The following TAF11L11 variants were observed in gnomAD, a reference collection of about 807,000 sequenced individuals.
TAF11L11 encodes the protein TATA-box binding protein associated factor 11 like 11, also known as TATA-box-binding protein-associated factor 11-like protein 11.
Position 17,604,944 on chromosome 5 carries a change from C to A in TAF11L11, c.164C>A (p.Thr55Lys), listed in dbSNP as rs556497201. The stretch of plus-strand genomic sequence containing the variant: ...AGGAGTCAGGATGTCATGGACCTCA[C>A]AGAAGGTGACAATGAAGCGTCAGCC... The change falls in exon 1 of 1, where the codon ACA (threonine) becomes AAA (lysine). Residue 55 changes from threonine (T) to lysine (K), a missense_variant. By Grantham distance (78) the Thr-to-Lys change is moderately conservative (BLOSUM62 -1). Coordinates refer to ENST00000510838, the Ensembl canonical transcript of TAF11L11. The A allele has an allele frequency of 1.1e-4, 43 of 392,484 alleles. 2 individuals are homozygous for A. The Middle Eastern group carries it at 2.6e-3, about 23-fold the overall frequency. 24.3% of individuals were successfully genotyped at this position (392,484 alleles called of 1,614,324 possible).
rs572936390 is a variant in TAF11L11 at position 17,605,013 on chromosome 5, G to A, written c.233G>A (p.Gly78Glu). The A allele has an allele frequency of 2.8e-5, 11 of 394,056 alleles. No individual in the cohort carries two copies. The East Asian group carries it at 3.2e-4, about 12-fold the overall frequency. 24.4% of individuals were successfully genotyped at this position (394,056 alleles called of 1,614,324 possible). A position where few individuals can be genotyped will look rare whatever the true frequency, so the allele number is the denominator to read the frequency against. ...AAAAGGCAGAAAACAGATACCAAGG[G>A]GAAGAAGGAGAGGAAGCCCACCATG... Residue 78 changes from glycine (G) to glutamate (E), a missense_variant, in exon 1 of 1, where the codon GGG becomes GAG. Transcript: ENST00000510838.
chr5:17,605,053 T>G (rs1045330799), exon 1 of TAF11L11: 2 of 394,210 alleles, frequency 5.1e-6, no homozygotes, highest in Non-Finnish European at 9.0e-6. Context: ...CAGAGGAGGC[T>G]CAGAGGATGA....
At chr5:17,604,500 A>T (rs7718603) in exon 1 of TAF11L11, 118,649 of 192,392 alleles carry the variant, frequency 0.62, 40,264 homozygotes, top group Non-Finnish European at 0.74. Flanking sequence ...TTTGTTTTAA[A>T]TATCCAAAAT....
exon 1 of TAF11L11, chr5:17,604,628 G>C (rs1215850945): frequency 2.4e-5 from 8 of 327,212 alleles, no homozygotes; most frequent in Non-Finnish European, 4.4e-5. Flanking sequence ...AGGGGAGGCA[G>C]GGGGCTGTGT....
At chr5:17,604,866 C>T (rs1200217426) in exon 1 of TAF11L11, 1 of 390,500 alleles carries the variant, frequency 2.6e-6, no homozygotes, top group East Asian at 3.6e-5. Context: ...GATGGAATCC[C>T]TGAGGACCTA....
exon 1 of TAF11L11, chr5:17,605,282 C>A (rs919391437): frequency 2.5e-6 from 1 of 394,590 alleles, no homozygotes. Flanking sequence ...GGGAGAAACG[C>A]CCCCGCTGCA....
downstream of TAF11L11, chr5:17,605,480 C>G (rs1321496569): frequency 2.6e-6 from 1 of 387,546 alleles, no homozygotes; most frequent in Admixed American, 4.5e-5. Flanking sequence ...CTCAGTCCAC[C>G]CTGGATTTAC....
At chr5:17,604,975 T>A (rs1325322865) in exon 1 of TAF11L11, 1 of 392,804 alleles carries the variant, frequency 2.5e-6, no homozygotes, top group Non-Finnish European at 4.5e-6. Flanking sequence ...CAGCCTCAAC[T>A]CCTCCTTCAG....
exon 1 of TAF11L11, chr5:17,604,779 C>T (rs1739131262): frequency 2.6e-6 from 1 of 384,874 alleles, no homozygotes; most frequent in Non-Finnish European, 4.6e-6. Flanking sequence ...GGAATCTCAC[C>T]CATGGAGACA....
At chr5:17,605,338 C>T in exon 1 of TAF11L11, 5 of 394,048 alleles carry the variant, frequency 1.3e-5, no homozygotes, top group Non-Finnish European at 2.2e-5. Context: ...AGCCCAAGGG[C>T]ATCCTCCCCA....
exon 1 of TAF11L11, chr5:17,604,963 G>C (rs113944272): frequency 7.6e-6 from 3 of 392,622 alleles, no homozygotes; most frequent in African/African-American, 6.2e-5. Context: ...ACAATGAAGC[G>C]TCAGCCTCAA....
downstream of TAF11L11, chr5:17,605,405 T>G (rs781593075): frequency 2.4e-4 from 94 of 393,046 alleles, 3 homozygotes; most frequent in Middle Eastern, 6.4e-4. Flanking sequence ...AAGGTCTGTT[T>G]GTGCAGGAAT....
At chr5:17,605,017 G>A (rs1739137421) in exon 1 of TAF11L11, 1 of 394,242 alleles carries the variant, frequency 2.5e-6, no homozygotes, top group Non-Finnish European at 4.5e-6. Flanking sequence ...CCAAGGGGAA[G>A]AAGGAGAGGA....
Position 17,604,690 on chromosome 5 carries a change from G to A in TAF11L11, c.-91G>A, listed in dbSNP as rs79184703. ...GAAACACAGAAGCTAAACTCTTTGA[G>A]AGGTTCTCATTGCAGATCCATAATC... On this transcript the variant is annotated 5_prime_UTR_variant, in exon 1 of 1. Transcript: ENST00000510838. 1.9e-5 allele frequency: 7 copies of A among 363,446 alleles called. No individual in the cohort carries two copies. The highest frequency in any genetic ancestry group is 2.9e-5 in the Non-Finnish European group (6 of 203,904). 22.5% of individuals were successfully genotyped at this position (363,446 alleles called of 1,614,324 possible).
At chr5:17,604,921 G>A (rs73058875) in exon 1 of TAF11L11, 25 of 391,946 alleles carry the variant, frequency 6.4e-5, no homozygotes, top group East Asian at 2.5e-4. Context: ...GTGAGCTCAG[G>A]AGTCAGGATG....
exon 1 of TAF11L11, chr5:17,604,674 A>C (rs79872869): frequency 1.7e-5 from 6 of 355,886 alleles, no homozygotes; most frequent in African/African-American, 2.1e-5. Context: ...AGAAACACAG[A>C]AGCTAAACTC....
At chr5:17,605,462 T>G (rs1739149988), downstream of TAF11L11, 1 of 389,444 alleles carries the variant, frequency 2.6e-6, no homozygotes, top group Non-Finnish European at 4.5e-6. Flanking sequence ...TTGCTGGAGC[T>G]TCCTTATCTC....
downstream of TAF11L11, chr5:17,605,513 T>C: frequency 2.6e-6 from 1 of 384,516 alleles, no homozygotes; most frequent in Non-Finnish European, 4.6e-6. Flanking sequence ...TGTCTGAAAC[T>C]GTGAAGTTGA....
Sources: allele counts gnomAD v4.1 joint callset, GRCh38; gene constraint gnomAD v4.1.1; transcripts MANE v1.5; gene names NCBI Gene and HGNC (gene_info 2026-07-23, HGNC 2026-07-21).